SLC9A8: variants seen among roughly 807,000 people sequenced by gnomAD.
The protein encoded by SLC9A8 is solute carrier family 9 member A8, also known as sodium/hydrogen exchanger 8.
In SLC9A8, 48 loss-of-function variants were observed where a neutral mutation model predicts 66.6. The observed-to-expected ratio is 0.72, with a 90% CI of 0.57 to 0.92. The LOEUF (loss-of-function observed/expected upper bound fraction) is 0.92, where lower values mean the gene tolerates loss of function less well. Among genes scored for constraint, SLC9A8 ranks in the 40% least tolerant of loss-of-function variants. SLC9A8 has a pLI of 0.00. For synonymous variants in SLC9A8, 274 were observed against 282.6 expected (o/e 0.97, Z 0.31); for missense variants, 599 against 747.3 (o/e 0.80, Z 2.31).
At chr20:49,822,910 A>T in intron 2 of SLC9A8, 151 bp from the exon 3 acceptor site, 1 of 640,598 alleles carries the variant, frequency 1.6e-6, no homozygotes. Context: ...AAGAAATGAG[A>T]CACGAAAAAC....
chr20:49,842,700 A>G (rs1052848661), intron 4 of SLC9A8, among the ~76,000 whole-genome samples: 1 of 152,226 alleles, frequency 6.6e-6, no homozygotes, highest in Non-Finnish European at 1.5e-5. Context: ...AAGGAACTGT[A>G]ACACTATTTC....
At position 49,892,150 on chromosome 20, in the gene SLC9A8, C is replaced by T. The variant is rs1278898261; in HGVS notation, c.*4214C>T. Reference sequence around the variant, plus strand: ...CCATGCAGGAGCCCCTGCGTCATCTCGTTGGACTCTTTAAGGGAGTCAGGA... The same window carrying T: ...CCATGCAGGAGCCCCTGCGTCATCTTGTTGGACTCTTTAAGGGAGTCAGGA... On this transcript the variant is annotated 3_prime_UTR_variant, in exon 16 of 16. Coordinates refer to ENST00000361573, the MANE Select transcript of SLC9A8 (RefSeq NM_015266.3). 1.3e-5 allele frequency: 2 copies of T among 152,156 alleles called. No homozygotes were observed. The highest frequency in any genetic ancestry group is 2.4e-5 in the African/African-American group (1 of 41,428). 9.4% of individuals were successfully genotyped at this position (152,156 alleles called of 1,614,324 possible).
chr20:49,845,177 C>G, intron 5 of SLC9A8, 58 bp downstream of exon 5: 1 of 1,264,748 alleles, frequency 7.9e-7, no homozygotes, highest in Non-Finnish European at 1.2e-6. Flanking sequence ...GTTTGTAAGG[C>G]AAGTTCCTTA....
At chr20:49,830,235 G>A in intron 3 of SLC9A8, 1 of 911,330 alleles carries the variant, frequency 1.1e-6, no homozygotes, top group Non-Finnish European at 1.9e-6. Context: ...CAAAAAGATG[G>A]GATTTGGGGG....
intron 2 of SLC9A8, among the ~76,000 whole-genome samples, chr20:49,817,431 T>C (rs2086591433): frequency 1.3e-5 from 2 of 151,684 alleles, no homozygotes; most frequent in Non-Finnish European, 2.9e-5. Context: ...TTAGGTCTTT[T>C]CAGAAAGTTA....
At chr20:49,880,882 C>G (rs772601914) in intron 12 of SLC9A8, 42 bp from the exon 13 acceptor site, 1 of 1,321,152 alleles carries the variant, frequency 7.6e-7, no homozygotes, top group South Asian at 1.2e-5. Context: ...GCTTGAAGAG[C>G]CAGATGTTTT....
intron 3 of SLC9A8, among the ~76,000 whole-genome samples, chr20:49,831,391 AAC>A (rs773512453): frequency 1.0e-4 from 13 of 130,466 alleles, no homozygotes; most frequent in East Asian, 2.5e-4. Context: ...TACACACACA[AAC>A]ACACACACAC....
intron 14 of SLC9A8, 78 bp downstream of exon 14, chr20:49,884,144 G>T: frequency 7.9e-7 from 1 of 1,272,882 alleles, no homozygotes; most frequent in East Asian, 2.4e-5. Context: ...GTCAGGAAAT[G>T]GGGAGATGAG....
At chr20:49,829,752 T>C in intron 3 of SLC9A8, 1 of 522,810 alleles carries the variant, frequency 1.9e-6, no homozygotes, top group Non-Finnish European at 3.8e-6. Context: ...ATTCTGCTGA[T>C]GACAAGAATC....
intron 3 of SLC9A8, among the ~76,000 whole-genome samples, chr20:49,831,793 G>A (rs2087210315): frequency 6.6e-6 from 1 of 152,218 alleles, no homozygotes; most frequent in Admixed American, 6.5e-5. Flanking sequence ...ACTGAAAAGA[G>A]ACTGGCAGAG....
At chr20:49,823,442 C>G (rs1029702346) in intron 3 of SLC9A8, among the ~76,000 whole-genome samples, 1 of 152,196 alleles carries the variant, frequency 6.6e-6, no homozygotes, top group East Asian at 1.9e-4. Context: ...GAACATTGAC[C>G]TCTACTGCTA....
chr20:49,833,107 T>C (rs1168973231), intron 3 of SLC9A8, among the ~76,000 whole-genome samples: 1 of 152,164 alleles, frequency 6.6e-6, no homozygotes, highest in Non-Finnish European at 1.5e-5. Context: ...GGTTTCACTA[T>C]GTTGGCCAGG....
intron 1 of SLC9A8, among the ~76,000 whole-genome samples, chr20:49,813,495 A>G (rs2086434387): frequency 1.3e-5 from 2 of 152,218 alleles, no homozygotes; most frequent in African/African-American, 2.4e-5. Context: ...GACCATAATT[A>G]GTCAAGGTGG....
intron 11 of SLC9A8, among the ~76,000 whole-genome samples, chr20:49,877,082 G>A (rs1325999803): frequency 6.7e-6 from 1 of 148,862 alleles, no homozygotes; most frequent in African/African-American, 2.5e-5. Context: ...AAGGTCAGGA[G>A]TTTGAGACCA....
intron 3 of SLC9A8, among the ~76,000 whole-genome samples, chr20:49,836,390 G>A (rs1441131089): frequency 6.6e-6 from 1 of 152,134 alleles, no homozygotes; most frequent in African/African-American, 2.4e-5. Flanking sequence ...CCGGAGTGCA[G>A]TGGCGCAATC....
intron 8 of SLC9A8, among the ~76,000 whole-genome samples, chr20:49,860,323 C>G (rs149970801): frequency 1.3e-5 from 2 of 152,178 alleles, no homozygotes; most frequent in African/African-American, 2.4e-5. Flanking sequence ...CAAGACTTCT[C>G]AGACCTTTAT....
chr20:49,834,344 T>C (rs1600677526), intron 3 of SLC9A8, among the ~76,000 whole-genome samples: 1 of 88,324 alleles, frequency 1.1e-5, no homozygotes, highest in Non-Finnish European at 2.2e-5. Flanking sequence ...TATATATATA[T>C]ATACTGTATA....
intron 7 of SLC9A8, among the ~76,000 whole-genome samples, chr20:49,855,076 C>T (rs1189820533): frequency 2.0e-5 from 3 of 152,212 alleles, no homozygotes; most frequent in Non-Finnish European, 4.4e-5. Flanking sequence ...AGGGGCAGAG[C>T]AGAGGTCAGA....
rs114583966 is a variant in SLC9A8, at chr20:49,879,906, G to A, written c.1159-1018G>A. 3.1e-3 allele frequency among the ~76,000 whole-genome samples: 478 copies of A among 152,092 alleles called. 2 individuals are homozygous for A. The highest frequency in any genetic ancestry group is 0.011 in the African/African-American group (466 of 41,464). On this transcript the variant is annotated intron_variant, in intron 12 of 15. Transcript: ENST00000361573. Reference sequence around the variant, plus strand: ...CATCCTTTTCAAGTAGTTATGGTGAGAACCAAGATGAAGAAAATGAAAGTA... The same window carrying A: ...CATCCTTTTCAAGTAGTTATGGTGAAAACCAAGATGAAGAAAATGAAAGTA...
Sources: gnomAD v4.1 joint callset for allele counts (sites outside exome capture counted in the v4.1 genomes callset) on GRCh38, gnomAD v4.1.1 for gene constraint, MANE v1.5 for transcripts, NCBI Gene and HGNC (gene_info 2026-07-23, HGNC 2026-07-21) for gene names.